Variants in CACNA2D1 observed in about 807,000 individuals in gnomAD.
CACNA2D1 encodes the protein voltage-dependent calcium channel subunit alpha-2/delta-1.
CACNA2D1 carries 53 observed loss-of-function variants against 171.5 expected under a neutral mutation model. The observed-to-expected ratio is 0.31, with a 90% CI of 0.25 to 0.39. The LOEUF (loss-of-function observed/expected upper bound fraction) is 0.39. Ranked by LOEUF, CACNA2D1 falls within the 10% of genes least tolerant of loss-of-function variation. The pLI is 1.00. For missense variants in CACNA2D1, 903 were observed against 1,299.8 expected, an observed-to-expected ratio of 0.69 and a Z score of 4.69; for synonymous variants, 442 against 443.1, an observed-to-expected ratio of 1.00 and a Z score of 0.03.
At chr7:81,972,085 G>A (rs1795340253) in intron 25 of CACNA2D1, among the ~76,000 whole-genome samples, 1 of 151,516 alleles carries the variant, frequency 6.6e-6, no homozygotes, top group Admixed American at 6.6e-5. Flanking sequence ...AATTCTAAAT[G>A]AGCCAAATTA....
chr7:81,995,455 A>G (rs1161558217), intron 19 of CACNA2D1, among the ~76,000 whole-genome samples: 2 of 152,200 alleles, frequency 1.3e-5, no homozygotes. Context: ...ATTTGGATTT[A>G]GAATAATAGA....
chr7:82,182,215 G>A (rs1364402722), intron 3 of CACNA2D1, among the ~76,000 whole-genome samples: 3 of 151,992 alleles, frequency 2.0e-5, no homozygotes, highest in Non-Finnish European at 4.4e-5. Flanking sequence ...GTTGCCAAAT[G>A]CATTAAAGTT....
chr7:81,984,982 G>A (rs1796804304), intron 21 of CACNA2D1, among the ~76,000 whole-genome samples: 1 of 152,024 alleles, frequency 6.6e-6, no homozygotes, highest in African/African-American at 2.4e-5. Context: ...GCCAAGGAAG[G>A]AGTGTCATGG....
chr7:82,352,333 C>G (rs1429166961), intron 1 of CACNA2D1, among the ~76,000 whole-genome samples: 1 of 152,166 alleles, frequency 6.6e-6, no homozygotes, highest in African/African-American at 2.4e-5. Flanking sequence ...AGGGAAAACA[C>G]TCATATGAGC....
chr7:82,190,890 A>AT (rs1006632143), intron 3 of CACNA2D1, among the ~76,000 whole-genome samples: 14 of 151,708 alleles, frequency 9.2e-5, no homozygotes, highest in African/African-American at 3.4e-4. Flanking sequence ...ATCAAAAAAC[A>AT]TTTTTCTTAA....
chr7:81,988,086 G>A (rs929555745), intron 21 of CACNA2D1, among the ~76,000 whole-genome samples: 1 of 152,132 alleles, frequency 6.6e-6, no homozygotes, highest in Non-Finnish European at 1.5e-5. Context: ...CTGTAGGAGA[G>A]CCAACTATCA....
At chr7:82,196,399 C>G (rs35284591) in intron 3 of CACNA2D1, among the ~76,000 whole-genome samples, 1,591 of 152,138 alleles carry the variant, frequency 0.01, 15 homozygotes, top group Non-Finnish European at 0.017. Context: ...GGCAGACTAG[C>G]TGGACACACC....
chr7:82,258,352 G>T (rs1806559852), intron 3 of CACNA2D1, among the ~76,000 whole-genome samples: 1 of 150,304 alleles, frequency 6.7e-6, no homozygotes, highest in Admixed American at 6.6e-5. Flanking sequence ...CAAATAAATA[G>T]TTCCTTGGCC....
intron 4 of CACNA2D1, among the ~76,000 whole-genome samples, 155 bp downstream of exon 4, chr7:82,170,395 C>A (rs1331376104): frequency 2.6e-5 from 4 of 150,984 alleles, no homozygotes; most frequent in Non-Finnish European, 5.9e-5. Flanking sequence ...CCCTGATTAC[C>A]CAAAAGCAAT....
At chr7:82,371,554 T>C (rs1822412172) in intron 1 of CACNA2D1, among the ~76,000 whole-genome samples, 1 of 152,140 alleles carries the variant, frequency 6.6e-6, no homozygotes, top group Non-Finnish European at 1.5e-5. Flanking sequence ...GTATTGCTAA[T>C]CTACAGCCCT....
intron 3 of CACNA2D1, among the ~76,000 whole-genome samples, chr7:82,221,658 C>T (rs1375527245): frequency 2.0e-5 from 3 of 151,668 alleles, no homozygotes; most frequent in Admixed American, 6.6e-5. Flanking sequence ...GCAGGAGAAT[C>T]GCTTGAACCA....
intron 10 of CACNA2D1, among the ~76,000 whole-genome samples, chr7:82,057,731 GGGCACAGA>G (rs1806119726): frequency 6.6e-6 from 1 of 152,054 alleles, no homozygotes; most frequent in African/African-American, 2.4e-5. Flanking sequence ...CCATTTGAAT[GGGCACAGA>G]AACCATGGAT....
At chr7:82,310,585 A>G (rs1814327956) in intron 3 of CACNA2D1, among the ~76,000 whole-genome samples, 1 of 151,980 alleles carries the variant, frequency 6.6e-6, no homozygotes, top group Non-Finnish European at 1.5e-5. Flanking sequence ...TTTGAATAAG[A>G]TTTTCATATA....
intron 3 of CACNA2D1, among the ~76,000 whole-genome samples, chr7:82,182,381 T>C (rs897507403): frequency 1.3e-5 from 2 of 152,200 alleles, no homozygotes; most frequent in South Asian, 2.1e-4. Context: ...TATAAGGTTC[T>C]GTCTTTACAA....
At chr7:82,319,712 A>G (rs1815576962) in intron 3 of CACNA2D1, among the ~76,000 whole-genome samples, 1 of 152,236 alleles carries the variant, frequency 6.6e-6, no homozygotes, top group Non-Finnish European at 1.5e-5. Flanking sequence ...TGACGGACCT[A>G]GAATTTCTCA....
intron 3 of CACNA2D1, among the ~76,000 whole-genome samples, chr7:82,298,661 T>C (rs1374345260): frequency 6.6e-6 from 1 of 152,024 alleles, no homozygotes; most frequent in Non-Finnish European, 1.5e-5. Context: ...CTTCAGCCTC[T>C]AACTCCTAGG....
intron 3 of CACNA2D1, among the ~76,000 whole-genome samples, chr7:82,243,106 T>TA (rs1804515894): frequency 1.3e-5 from 2 of 152,268 alleles, no homozygotes; most frequent in South Asian, 4.1e-4. Context: ...AAATTCTGTA[T>TA]AAAAAACATT....
Position 81,949,852 on chromosome 7 carries a change from G to C in CACNA2D1, c.*540C>G, listed in dbSNP as rs1488985628. 6.6e-6 allele frequency: 1 copy of C among 152,332 alleles called. No homozygotes were observed. The highest frequency in any genetic ancestry group is 1.5e-5 in the Non-Finnish European group (1 of 68,252). 9.4% of individuals were successfully genotyped at this position (152,332 alleles called of 1,614,324 possible). A position where few individuals can be genotyped will look rare whatever the true frequency, so the allele number is the denominator to read the frequency against. On this transcript the variant is annotated 3_prime_UTR_variant, in exon 39 of 39. Transcript: ENST00000356860. Reference sequence around the variant, plus strand: ...TTTTATTCATGGCAAATTTTTCATAGAAAATTAGCCATTATTTATATTTCA... The same window carrying C: ...TTTTATTCATGGCAAATTTTTCATACAAAATTAGCCATTATTTATATTTCA...
intron 3 of CACNA2D1, among the ~76,000 whole-genome samples, chr7:82,319,478 G>A (rs566585845): frequency 4.3e-4 from 65 of 152,242 alleles, no homozygotes; most frequent in African/African-American, 1.4e-3. Flanking sequence ...TACTATCAAT[G>A]ACAAGCAAAA....
Sources: allele counts gnomAD v4.1 joint callset (sites outside exome capture counted in the v4.1 genomes callset), GRCh38; gene constraint gnomAD v4.1.1; transcripts MANE v1.5; gene names NCBI Gene and HGNC (gene_info 2026-07-23, HGNC 2026-07-21).